The following LYRM4 variants were observed in gnomAD, a reference collection of about 807,000 sequenced individuals.
The protein encoded by LYRM4 is LYR motif containing 4, also known as LYR motif-containing protein 4.
LYRM4 carries 9 observed loss-of-function variants against 11.7 expected under a neutral mutation model. That is an observed-to-expected ratio of 0.77 (90% CI 0.46 to 1.34). The LOEUF is 1.34. Ranked by LOEUF, LYRM4 falls within the 40% of genes most tolerant of loss-of-function variation. The pLI, the probability that LYRM4 is intolerant of heterozygous loss-of-function variation, is 0.00. For missense variants in LYRM4, 133 were observed against 112.5 expected, an observed-to-expected ratio of 1.18 and a Z score of -0.82; for synonymous variants, 42 against 40.4, an observed-to-expected ratio of 1.04 and a Z score of -0.15.
rs545536503 is a variant in LYRM4, at chr6:5,225,404, G to A, written c.87-8666C>T. On this transcript the variant is annotated intron_variant, in intron 1 of 2. Coordinates refer to ENST00000330636, the MANE Select transcript of LYRM4 (RefSeq NM_020408.6). The stretch of plus-strand genomic sequence containing the variant: ...TTGGCAGTTTCTTATACAGCTTTCT[G>A]GAGACATTAGGTTCATATTAAAATC... Among the ~76,000 whole-genome samples the A allele has an allele frequency of 3.3e-5, 5 of 152,180 alleles. No individual in the cohort carries two copies. In the South Asian group the frequency reaches 1.0e-3, roughly 32 times the overall value.
chr6:5,125,241 A>G (rs2127606736), intron 2 of LYRM4, among the ~76,000 whole-genome samples: 1 of 152,318 alleles, frequency 6.6e-6, no homozygotes, highest in African/African-American at 2.4e-5. Context: ...AGTGGTTTCT[A>G]GGATGGCTCA....
intron 2 of LYRM4, among the ~76,000 whole-genome samples, chr6:5,152,923 A>T (rs1260779923): frequency 6.6e-6 from 1 of 152,218 alleles, no homozygotes; most frequent in African/African-American, 2.4e-5. Flanking sequence ...GACAGGATTT[A>T]GAATTTTATT....
intron 2 of LYRM4, among the ~76,000 whole-genome samples, chr6:5,165,116 A>C (rs990505358): frequency 6.6e-6 from 1 of 152,258 alleles, no homozygotes; most frequent in East Asian, 1.9e-4. Context: ...AATTCTTTGT[A>C]AGCATACAAT....
intron 2 of LYRM4, among the ~76,000 whole-genome samples, chr6:5,110,577 G>A (rs777627753): frequency 2.0e-5 from 3 of 152,168 alleles, no homozygotes; most frequent in Admixed American, 6.5e-5. Flanking sequence ...AAGAGAAAGC[G>A]AAGGAAGAGG....
intron 2 of LYRM4, among the ~76,000 whole-genome samples, chr6:5,177,437 A>G (rs1759784518): frequency 6.6e-6 from 1 of 152,220 alleles, no homozygotes. Context: ...CTTCCTAGGC[A>G]CTGCCTGCCT....
At chr6:5,245,572 TCATACACA>T (rs1300302994) in intron 1 of LYRM4, among the ~76,000 whole-genome samples, 2 of 152,130 alleles carry the variant, frequency 1.3e-5, no homozygotes, top group Non-Finnish European at 2.9e-5. Flanking sequence ...TAAACATAAC[TCATACACA>T]CAGACTTGTG....
rs760674130 is a variant in LYRM4, at chr6:5,138,763, T to A, written c.208-29272A>T. The A allele has an allele frequency of 7.9e-6, 12 of 1,518,408 alleles. No homozygotes were observed. In the South Asian group the frequency reaches 1.4e-4, roughly 18 times the overall value. The allele number at this position is 1,518,408 out of a possible 1,614,324, so 94.1% of individuals were successfully genotyped here. On this transcript the variant is annotated intron_variant, in intron 2 of 2. Coordinates refer to ENST00000330636, the MANE Select transcript of LYRM4 (RefSeq NM_020408.6). ...GCCTGGGGGTAAAAAGAGAAAAAAA[T>A]AAAAGTTAAGAGTAACAGTTAACAG...
chr6:5,179,234 T>A (rs1330710093), intron 2 of LYRM4, among the ~76,000 whole-genome samples: 1 of 152,208 alleles, frequency 6.6e-6, no homozygotes, highest in East Asian at 1.9e-4. Flanking sequence ...ATGTATTTTT[T>A]AAAAAGTGTT....
chr6:5,037,124 G>A, the LYRM4 span, among the ~76,000 whole-genome samples: 879 of 13,714 alleles, frequency 0.064, 172 homozygotes, highest in African/African-American at 0.14. Flanking sequence ...GTGAACAAAG[G>A]TCTCTGGTTT....
At chr6:5,090,406 C>T in the LYRM4 span, among the ~76,000 whole-genome samples, 1 of 152,166 alleles carries the variant, frequency 6.6e-6, no homozygotes, top group African/African-American at 2.4e-5. The surrounding 1 kb of genome is among the most constrained non-coding windows in gnomAD (Gnocchi z 4.8). Context: ...TCAGCCAGTT[C>T]CAAGACTTAA....
intron 2 of LYRM4, among the ~76,000 whole-genome samples, chr6:5,188,859 G>C (rs1760578397): frequency 6.6e-6 from 1 of 152,176 alleles, no homozygotes; most frequent in South Asian, 2.1e-4. Context: ...GACCTTTGGG[G>C]CTCAAGGAAT....
At chr6:5,100,426 G>A (rs1434008918), downstream of LYRM4, among the ~76,000 whole-genome samples, 1 of 152,200 alleles carries the variant, frequency 6.6e-6, no homozygotes, top group African/African-American at 2.4e-5. Flanking sequence ...ATGATGGATG[G>A]AAGATGACTG....
the LYRM4 span, chr6:5,067,044 A>C: frequency 2.5e-6 from 1 of 392,728 alleles, no homozygotes; most frequent in Non-Finnish European, 4.4e-6. Flanking sequence ...TGAACCCCTA[A>C]ATTTATTTTT....
At chr6:5,208,499 C>G (rs1761823633) in intron 2 of LYRM4, among the ~76,000 whole-genome samples, 1 of 152,212 alleles carries the variant, frequency 6.6e-6, no homozygotes, top group African/African-American at 2.4e-5. Context: ...AGCATTACTG[C>G]TGCCTTTTAT....
rs1763040621 is a variant in LYRM4 at position 5,228,644 on chromosome 6, AT to A, written c.87-11907del. ...ATCTTTGGAATATAGTCAAAGCCAT[AT>A]TTAGATGAAACTTAATGGTTTAAAT... On this transcript the variant is annotated intron_variant, in intron 1 of 2. Coordinates refer to ENST00000330636, the MANE Select transcript of LYRM4 (RefSeq NM_020408.6). 3.9e-5 allele frequency among the ~76,000 whole-genome samples: 6 copies of A among 152,268 alleles called. No individual in the cohort carries two copies. In the South Asian group the frequency reaches 1.2e-3, roughly 32 times the overall value.
At chr6:5,229,979 A>G (rs560065844) in intron 1 of LYRM4, among the ~76,000 whole-genome samples, 13 of 152,360 alleles carry the variant, frequency 8.5e-5, no homozygotes, top group Middle Eastern at 3.4e-3. Context: ...TTATCCTCAT[A>G]GCCACTGACA....
At chr6:5,183,034 T>C (rs1330022324) in intron 2 of LYRM4, among the ~76,000 whole-genome samples, 1 of 152,228 alleles carries the variant, frequency 6.6e-6, no homozygotes, top group African/African-American at 2.4e-5. Context: ...CACATTTATA[T>C]TATTTCATTA....
At chr6:5,120,297 C>G (rs1011167844) in intron 2 of LYRM4, among the ~76,000 whole-genome samples, 2 of 152,158 alleles carry the variant, frequency 1.3e-5, no homozygotes, top group South Asian at 4.1e-4. Flanking sequence ...AGGAATGAGT[C>G]CTTTTTGAAT....
At chr6:5,115,952 G>A (rs1254655926) in intron 2 of LYRM4, among the ~76,000 whole-genome samples, 1 of 152,142 alleles carries the variant, frequency 6.6e-6, no homozygotes, top group African/African-American at 2.4e-5. Context: ...TCCCCTACAT[G>A]AGCATCGGTG....
Sources: gnomAD v4.1 joint callset for allele counts (sites outside exome capture counted in the v4.1 genomes callset) on GRCh38, gnomAD v4.1.1 for gene constraint, Gnocchi (gnomAD v3.1) non-coding constraint, MANE v1.5 for transcripts, NCBI Gene and HGNC (gene_info 2026-07-23, HGNC 2026-07-21) for gene names.